CTNNA2: variants seen among roughly 807,000 people sequenced by gnomAD.
CTNNA2 encodes catenin alpha-2.
In CTNNA2, 42 loss-of-function variants were observed where a neutral mutation model predicts 101.0. That is an observed-to-expected ratio of 0.42 (90% CI 0.32 to 0.54). The LOEUF (loss-of-function observed/expected upper bound fraction) is 0.54. Among genes scored for constraint, CTNNA2 ranks in the 20% least tolerant of loss-of-function variants. The probability of loss-of-function intolerance (pLI) is 0.14; values close to 1 mark genes in which losing one functional copy is unlikely to be tolerated. For synonymous variants in CTNNA2, 450 were observed against 456.4 expected (o/e 0.99, Z 0.18); for missense variants, 871 against 1,223.1 (o/e 0.71, Z 4.29).
chr2:80,062,996 C>CGCCCGGCCAAAGCACTGTG (rs754407680), intron 7 of CTNNA2, among the ~76,000 whole-genome samples: 1 of 152,124 alleles, frequency 6.6e-6, no homozygotes, highest in Non-Finnish European at 1.5e-5. Flanking sequence ...TGAGCCACCG[C>CGCCCGGCCAAAGCACTGTG]GCCCGGCCAA....
At chr2:79,465,657 T>C (rs936701081) in intron 4 of CTNNA2, among the ~76,000 whole-genome samples, 7 of 152,334 alleles carry the variant, frequency 4.6e-5, no homozygotes, top group South Asian at 2.1e-4. Context: ...TTTTATTTCA[T>C]TGAGCAGTGG....
At chr2:79,940,245 A>C (rs1468713065) in intron 7 of CTNNA2, among the ~76,000 whole-genome samples, 1 of 152,222 alleles carries the variant, frequency 6.6e-6, no homozygotes, top group Non-Finnish European at 1.5e-5. Flanking sequence ...ATCCAAGAAC[A>C]AATTTATTTA....
chr2:80,618,381 GAA>G (rs150419439), intron 17 of CTNNA2, among the ~76,000 whole-genome samples: 3,897 of 151,904 alleles, frequency 0.026, 61 homozygotes, highest in Admixed American at 0.039. Context: ...GATACACGCA[GAA>G]AAAGTCAAGA....
chr2:80,194,936 A>G (rs1706740864), intron 7 of CTNNA2, among the ~76,000 whole-genome samples: 1 of 152,060 alleles, frequency 6.6e-6, no homozygotes, highest in African/African-American at 2.4e-5. Context: ...TCAAATTCAA[A>G]CATAAATTCA....
intron 15 of CTNNA2, among the ~76,000 whole-genome samples, chr2:80,596,281 T>G (rs1166834327): frequency 3.3e-4 from 7 of 21,024 alleles, no homozygotes; most frequent in South Asian, 2.2e-3. Flanking sequence ...ACAAGGTTGT[T>G]TTTTTTTTTT....
At chr2:80,121,030 A>G (rs954203907) in intron 7 of CTNNA2, among the ~76,000 whole-genome samples, 1 of 152,222 alleles carries the variant, frequency 6.6e-6, no homozygotes, top group Admixed American at 6.5e-5. Context: ...TGAAAATCCA[A>G]AAGGTATGGC....
At chr2:79,503,275 G>A (rs1671342540) in intron 4 of CTNNA2, among the ~76,000 whole-genome samples, 1 of 151,968 alleles carries the variant, frequency 6.6e-6, no homozygotes, top group African/African-American at 2.4e-5. Flanking sequence ...ACTGTATTAG[G>A]GTAAAACAAT....
chr2:79,427,068 A>T (rs1232637136), intron 4 of CTNNA2, among the ~76,000 whole-genome samples: 1 of 152,036 alleles, frequency 6.6e-6, no homozygotes, highest in Non-Finnish European at 1.5e-5. Context: ...AGAAAAGCAC[A>T]GTCATGTCTT....
intron 1 of CTNNA2, among the ~76,000 whole-genome samples, chr2:79,560,496 A>C (rs1164996005): frequency 6.6e-6 from 1 of 151,964 alleles, no homozygotes; most frequent in African/African-American, 2.4e-5. Flanking sequence ...GCTTTAATTC[A>C]GGTTGCTGGC....
intron 15 of CTNNA2, among the ~76,000 whole-genome samples, chr2:80,602,778 C>G (rs216658): frequency 0.99 from 150,934 of 152,166 alleles, 74,859 homozygotes; most frequent in Middle Eastern, 1. Context: ...CAAAATCAAA[C>G]TACTTTGTGG....
At chr2:80,644,207 A>C (rs1394208512) in intron 18 of CTNNA2, among the ~76,000 whole-genome samples, 1 of 152,108 alleles carries the variant, frequency 6.6e-6, no homozygotes, top group Non-Finnish European at 1.5e-5. Context: ...CCTAAGCTTC[A>C]ACTTCCTCAC....
At chr2:79,647,039 A>C (rs1680870482) in intron 1 of CTNNA2, among the ~76,000 whole-genome samples, 1 of 152,220 alleles carries the variant, frequency 6.6e-6, no homozygotes, top group Non-Finnish European at 1.5e-5. Context: ...AATTCAAATC[A>C]GTGAGAAGAA....
intron 2 of CTNNA2, among the ~76,000 whole-genome samples, chr2:79,261,831 G>A (rs1229960611): frequency 6.6e-6 from 1 of 152,204 alleles, no homozygotes; most frequent in African/African-American, 2.4e-5. Context: ...TTAACAAAAG[G>A]TGAAAGCAGA....
At chr2:80,198,591 G>T (rs1040691934) in intron 7 of CTNNA2, among the ~76,000 whole-genome samples, 18 of 152,144 alleles carry the variant, frequency 1.2e-4, no homozygotes, top group Middle Eastern at 3.2e-3. Flanking sequence ...CATTCAATGT[G>T]TGAGACTGTT....
intron 1 of CTNNA2, among the ~76,000 whole-genome samples, chr2:79,648,212 G>T (rs1196309629): frequency 6.6e-6 from 1 of 152,138 alleles, no homozygotes; most frequent in Non-Finnish European, 1.5e-5. Flanking sequence ...ACCTTATTGT[G>T]TGTGCTTGTC....
chr2:79,957,845 T>G (rs1272322033), intron 7 of CTNNA2, among the ~76,000 whole-genome samples: 2 of 152,328 alleles, frequency 1.3e-5, no homozygotes, highest in East Asian at 3.9e-4. Context: ...AGCCATTTCT[T>G]TTTCATTGAG....
At chr2:80,627,678 G>A (rs569354246) in intron 18 of CTNNA2, among the ~76,000 whole-genome samples, 4 of 152,052 alleles carry the variant, frequency 2.6e-5, no homozygotes, top group Non-Finnish European at 5.9e-5. Flanking sequence ...TCTGATGATA[G>A]TTTCCTTTGC....
At chr2:80,491,761 CA>C (rs1687082185) in intron 9 of CTNNA2, among the ~76,000 whole-genome samples, 1 of 152,210 alleles carries the variant, frequency 6.6e-6, no homozygotes, top group Admixed American at 6.5e-5. Context: ...TCTCTGTTCA[CA>C]TGACACATTG....
At chr2:80,637,497 AAGAAAGAGGTG>A (rs893833410) in intron 18 of CTNNA2, among the ~76,000 whole-genome samples, 5 of 152,134 alleles carry the variant, frequency 3.3e-5, no homozygotes, top group African/African-American at 1.2e-4. Context: ...ACAGGAGAGG[AAGAAAGAGGTG>A]GGGAAGAGGT....
Sources: gnomAD v4.1 joint callset for allele counts (sites outside exome capture counted in the v4.1 genomes callset) on GRCh38, gnomAD v4.1.1 for gene constraint, MANE v1.5 for transcripts, NCBI Gene and HGNC (gene_info 2026-07-23, HGNC 2026-07-21) for gene names.